Variants in ZNF385D observed in about 807,000 individuals in gnomAD.
ZNF385D encodes the protein zinc finger protein 385D.
A neutral mutation model predicts 35.8 loss-of-function variants in ZNF385D; 15 were observed. That is an observed-to-expected ratio of 0.42 (90% confidence interval 0.28 to 0.64). The LOEUF (loss-of-function observed/expected upper bound fraction) is 0.64, where lower values mean the gene tolerates loss of function less well. ZNF385D is among the 30% of genes least tolerant of loss of function. The probability of loss-of-function intolerance (pLI) is 0.23; values close to 1 mark genes in which losing one functional copy is unlikely to be tolerated. For missense variants in ZNF385D, 474 were observed against 494.6 expected (o/e 0.96, Z 0.39); for synonymous variants, 212 against 186.8 (o/e 1.13, Z -1.10).
At chr3:21,680,838 C>G (rs539341886) in intron 1 of ZNF385D, among the ~76,000 whole-genome samples, 9 of 152,118 alleles carry the variant, frequency 5.9e-5, no homozygotes, top group African/African-American at 1.4e-4. Context: ...TTCACATATC[C>G]TAGCTAAATC....
intron 3 of ZNF385D, among the ~76,000 whole-genome samples, chr3:22,138,529 T>A (rs888149086): frequency 5.3e-5 from 8 of 151,542 alleles, no homozygotes; most frequent in African/African-American, 1.9e-4. Context: ...TACAACTATC[T>A]GATCTTTGAC....
chr3:21,733,905 T>C (rs941158637), intron 1 of ZNF385D, among the ~76,000 whole-genome samples: 4 of 152,178 alleles, frequency 2.6e-5, no homozygotes, highest in African/African-American at 7.2e-5. Context: ...TATAAAAGTA[T>C]TGAGATTTAC....
intron 2 of ZNF385D, among the ~76,000 whole-genome samples, chr3:21,647,698 T>C (rs2125871157): frequency 6.6e-6 from 1 of 152,326 alleles, no homozygotes; most frequent in Non-Finnish European, 1.5e-5. Flanking sequence ...TATTCCTGAC[T>C]GGTGTAATCA....
chr3:22,283,208 G>T (rs1701854304), intron 2 of ZNF385D, among the ~76,000 whole-genome samples: 2 of 151,980 alleles, frequency 1.3e-5, no homozygotes, highest in African/African-American at 4.8e-5. Flanking sequence ...CCTAAGAAAT[G>T]AGATAGACAG....
chr3:21,826,453 A>G (rs1022161994), intron 3 of ZNF385D, among the ~76,000 whole-genome samples: 2 of 152,182 alleles, frequency 1.3e-5, no homozygotes, highest in African/African-American at 2.4e-5. Context: ...ATATTTGGTA[A>G]GGCAACACAG....
upstream of ZNF385D, chr3:21,751,348 G>T: frequency 9.5e-7 from 1 of 1,048,748 alleles, no homozygotes; most frequent in Non-Finnish European, 1.2e-6. Context: ...ACTTGGGAAG[G>T]GGCGGAGTGA....
At chr3:21,924,939 C>G (rs1187795333) in intron 3 of ZNF385D, among the ~76,000 whole-genome samples, 3 of 152,058 alleles carry the variant, frequency 2.0e-5, no homozygotes, top group Non-Finnish European at 4.4e-5. Context: ...AGGAAGCCAG[C>G]TAATTCTAAC....
intron 3 of ZNF385D, among the ~76,000 whole-genome samples, chr3:21,962,738 C>T (rs866182148): frequency 1.3e-5 from 2 of 152,098 alleles, no homozygotes; most frequent in African/African-American, 4.8e-5. Context: ...TTTTCTTTTT[C>T]TGTCTTATAA....
chr3:22,343,228 C>T (rs1345581500), intron 2 of ZNF385D, among the ~76,000 whole-genome samples: 1 of 152,202 alleles, frequency 6.6e-6, no homozygotes, highest in African/African-American at 2.4e-5. Flanking sequence ...CAAGACCCAT[C>T]ATTAAAACCA....
intron 3 of ZNF385D, among the ~76,000 whole-genome samples, chr3:21,952,645 T>A (rs2125301148): frequency 6.6e-6 from 1 of 152,082 alleles, no homozygotes; most frequent in South Asian, 2.1e-4. Flanking sequence ...ATACTTCAAA[T>A]TTAACTACTA....
intron 3 of ZNF385D, among the ~76,000 whole-genome samples, chr3:21,801,694 G>A (rs1475104767): frequency 6.6e-6 from 1 of 152,108 alleles, no homozygotes; most frequent in Non-Finnish European, 1.5e-5. Flanking sequence ...TATGGCTTAG[G>A]GAACTACTGC....
chr3:21,907,829 A>G (rs190725133), intron 3 of ZNF385D, among the ~76,000 whole-genome samples: 63 of 152,220 alleles, frequency 4.1e-4, no homozygotes, highest in African/African-American at 1.5e-3. Flanking sequence ...CTCCAGATTA[A>G]GCTCTGAGAT....
intron 2 of ZNF385D, among the ~76,000 whole-genome samples, chr3:22,333,482 T>C (rs9869953): frequency 0.2 from 31,048 of 152,072 alleles, 3,576 homozygotes; most frequent in Non-Finnish European, 0.27. Flanking sequence ...TTTTTCTCTC[T>C]GTTATTTGGA....
At chr3:21,765,215 T>C (rs541870394) in intron 3 of ZNF385D, among the ~76,000 whole-genome samples, 2 of 150,930 alleles carry the variant, frequency 1.3e-5, no homozygotes, top group East Asian at 3.9e-4. Context: ...TGTGTGTGTG[T>C]GTGAGAGAGA....
intron 3 of ZNF385D, among the ~76,000 whole-genome samples, chr3:21,966,289 T>G (rs1204681401): frequency 2.0e-5 from 3 of 152,198 alleles, no homozygotes; most frequent in African/African-American, 7.2e-5. Flanking sequence ...TGTATTTTGT[T>G]TGGAAAACAA....
intron 2 of ZNF385D, among the ~76,000 whole-genome samples, chr3:22,292,994 GATTT>G (rs1205250001): frequency 1.3e-5 from 2 of 152,000 alleles, no homozygotes; most frequent in Non-Finnish European, 2.9e-5. Context: ...GCAACTACAT[GATTT>G]ATTATCTCCA....
At chr3:22,024,999 C>T (rs187231666) in intron 3 of ZNF385D, among the ~76,000 whole-genome samples, 18 of 152,212 alleles carry the variant, frequency 1.2e-4, no homozygotes, top group Admixed American at 3.3e-4. Context: ...ACAAAAGATG[C>T]GTGCGCAGCC....
chr3:21,618,179 G>T (rs2064902814), intron 2 of ZNF385D, among the ~76,000 whole-genome samples: 2 of 152,156 alleles, frequency 1.3e-5, no homozygotes, highest in African/African-American at 2.4e-5. Flanking sequence ...GATGCTGAGA[G>T]AAAGAGATTA....
At chr3:21,870,959 G>A (rs1385567689) in intron 3 of ZNF385D, among the ~76,000 whole-genome samples, 1 of 152,082 alleles carries the variant, frequency 6.6e-6, no homozygotes, top group Non-Finnish European at 1.5e-5. Context: ...AGAGTAGTCA[G>A]AAGTAGATTT....
Sources: allele counts gnomAD v4.1 joint callset (sites outside exome capture counted in the v4.1 genomes callset), GRCh38; gene constraint gnomAD v4.1.1; transcripts MANE v1.5; gene names NCBI Gene and HGNC (gene_info 2026-07-23, HGNC 2026-07-21).